CNTNAP2: variants seen among roughly 807,000 people sequenced by gnomAD.
CNTNAP2 encodes the protein contactin-associated protein-like 2.
In CNTNAP2, 98 loss-of-function variants were observed where a neutral mutation model predicts 155.2. The observed-to-expected ratio is 0.63, with a 90% CI of 0.54 to 0.75. The LOEUF (loss-of-function observed/expected upper bound fraction) is 0.75. Ranked by LOEUF, CNTNAP2 falls within the 30% of genes least tolerant of loss-of-function variation. The pLI, the probability that CNTNAP2 is intolerant of heterozygous loss-of-function variation, is 0.00. For synonymous variants in CNTNAP2, 651 were observed against 631.2 expected (o/e 1.03, Z -0.47); for missense variants, 1,727 against 1,688.1 (o/e 1.02, Z -0.40).
chr7:146,171,434 A>T (rs1475918065), intron 1 of CNTNAP2, among the ~76,000 whole-genome samples: 2 of 152,030 alleles, frequency 1.3e-5, no homozygotes, highest in African/African-American at 2.4e-5. Context: ...AAGCAGGTTT[A>T]AAAAAAACCA....
chr7:146,701,977 G>A lies in CNTNAP2; in HGVS notation c.98-72294G>A, dbSNP rs189297364. Among the ~76,000 whole-genome samples the A allele has an allele frequency of 2.6e-3, 394 of 152,256 alleles. 2 individuals are homozygous for A. Among genetic ancestry groups the A allele is most frequent in the Non-Finnish European group, 3.9e-3 (268 of 68,004 alleles). On this transcript the variant is annotated intron_variant, in intron 1 of 23. Coordinates refer to ENST00000361727, the MANE Select transcript of CNTNAP2 (RefSeq NM_014141.6). ...AAGTTACAACAATGAGGAAGGAGAG[G>A]GGTGTGCTTCGCTGGAGAGTGAAAT...
intron 13 of CNTNAP2, among the ~76,000 whole-genome samples, chr7:147,695,113 G>T (rs1279134878): frequency 6.6e-6 from 1 of 152,028 alleles, no homozygotes; most frequent in East Asian, 1.9e-4. Flanking sequence ...ATCTTCTTTA[G>T]AAGTGTGTTA....
At chr7:146,877,835 C>A (rs1388061381) in intron 3 of CNTNAP2, among the ~76,000 whole-genome samples, 1 of 151,936 alleles carries the variant, frequency 6.6e-6, no homozygotes, top group East Asian at 1.9e-4. Flanking sequence ...CAGTTCATTA[C>A]CCGACCATGA....
At chr7:147,447,875 T>C (rs1797767363) in intron 10 of CNTNAP2, among the ~76,000 whole-genome samples, 1 of 152,050 alleles carries the variant, frequency 6.6e-6, no homozygotes, top group South Asian at 2.1e-4. Flanking sequence ...ATGGCTAGTA[T>C]CAAGAAAGTC....
intron 14 of CNTNAP2, among the ~76,000 whole-genome samples, chr7:147,964,183 G>C (rs964807882): frequency 3.3e-5 from 5 of 152,068 alleles, no homozygotes; most frequent in Non-Finnish European, 7.4e-5. Flanking sequence ...ACGGTGGGAA[G>C]GTGGCCCTCC....
At chr7:146,926,282 T>C (rs7455612) in intron 3 of CNTNAP2, among the ~76,000 whole-genome samples, 3,005 of 152,156 alleles carry the variant, frequency 0.02, 101 homozygotes, top group African/African-American at 0.068. Context: ...TCATTGACAA[T>C]ATAACAAAAA....
intron 11 of CNTNAP2, among the ~76,000 whole-genome samples, chr7:147,554,507 C>G (rs1306148931): frequency 6.6e-6 from 1 of 151,890 alleles, no homozygotes; most frequent in Non-Finnish European, 1.5e-5. Flanking sequence ...TAGATATACT[C>G]TGGCTTTCAG....
chr7:147,906,330 C>G lies in CNTNAP2; in HGVS notation c.2255+2609C>G, dbSNP rs190154129. Among the ~76,000 whole-genome samples, 20 of 152,054 alleles carry G rather than the reference C, an allele frequency of 1.3e-4. No homozygotes were observed. In the East Asian group the frequency reaches 3.9e-3, roughly 29 times the overall value. Reference sequence around the variant, plus strand: ...CCTCTGCTGGCACCTGCCACCATGCCCAGCTAATTTTTGTATTTTTAGTAC... The same window carrying G: ...CCTCTGCTGGCACCTGCCACCATGCGCAGCTAATTTTTGTATTTTTAGTAC... On this transcript the variant is annotated intron_variant, in intron 14 of 23. Coordinates refer to ENST00000361727, the MANE Select transcript of CNTNAP2 (RefSeq NM_014141.6).
chr7:147,193,529 A>G (rs1802722569), intron 8 of CNTNAP2, among the ~76,000 whole-genome samples: 1 of 152,160 alleles, frequency 6.6e-6, no homozygotes. Flanking sequence ...TAACTAAACT[A>G]TTTAAGTAGA....
chr7:146,998,108 G>A (rs1295502651), intron 3 of CNTNAP2, among the ~76,000 whole-genome samples: 1 of 150,958 alleles, frequency 6.6e-6, no homozygotes, highest in Non-Finnish European at 1.5e-5. Flanking sequence ...TTCTTTAGTA[G>A]TTCTTTGAGA....
intron 21 of CNTNAP2, among the ~76,000 whole-genome samples, chr7:148,295,820 G>A (rs181447851): frequency 4.0e-5 from 6 of 150,112 alleles, no homozygotes; most frequent in Admixed American, 6.6e-5. Context: ...TCCCAAAAGA[G>A]GATAAAAGAG....
chr7:147,883,680 T>C (rs1051866725), intron 13 of CNTNAP2, among the ~76,000 whole-genome samples: 2 of 152,146 alleles, frequency 1.3e-5, no homozygotes, highest in Non-Finnish European at 2.9e-5. Context: ...GACTGAGGCA[T>C]AAAGAAAGGA....
At chr7:147,484,553 G>T (rs890313099) in intron 10 of CNTNAP2, among the ~76,000 whole-genome samples, 2 of 152,124 alleles carry the variant, frequency 1.3e-5, no homozygotes, top group Non-Finnish European at 2.9e-5. Flanking sequence ...TCTATTTTCC[G>T]TAGTGCTGTG....
intron 12 of CNTNAP2, among the ~76,000 whole-genome samples, chr7:147,566,160 G>A: frequency 6.6e-6 from 1 of 150,592 alleles, no homozygotes. Context: ...GCTGGGCATG[G>A]TGGTGCAAAC....
rs963534205 is a variant in CNTNAP2 at position 146,883,204 on chromosome 7, T to G, written c.402+43300T>G. On this transcript the variant is annotated intron_variant, in intron 3 of 23. Transcript: ENST00000361727. ...CATTTGTACATTGTATTTTTCAAAA[T>G]TTTTATTTATTTCAAAACTGAAATA... Among the ~76,000 whole-genome samples, 42 of 152,168 alleles carry G rather than the reference T, an allele frequency of 2.8e-4. 1 individual carries two copies. Among genetic ancestry groups the G allele is most frequent in the African/African-American group, 8.0e-4 (33 of 41,450 alleles).
intron 5 of CNTNAP2, among the ~76,000 whole-genome samples, chr7:147,115,759 C>T (rs1249181504): frequency 1.3e-5 from 2 of 152,112 alleles, no homozygotes; most frequent in Non-Finnish European, 2.9e-5. Flanking sequence ...ACAACATGCT[C>T]CTTTACTTCA....
At chr7:146,721,593 T>C (rs1391251739) in intron 1 of CNTNAP2, among the ~76,000 whole-genome samples, 6 of 122,962 alleles carry the variant, frequency 4.9e-5, no homozygotes, top group African/African-American at 2.1e-4. Flanking sequence ...TCTATATATA[T>C]ATTCTATATA....
At chr7:146,873,557 C>T (rs1795358855) in intron 3 of CNTNAP2, among the ~76,000 whole-genome samples, 1 of 152,060 alleles carries the variant, frequency 6.6e-6, no homozygotes, top group South Asian at 2.1e-4. Context: ...TGCACAGTGA[C>T]CCTCTGTGGG....
chr7:147,469,380 C>T (rs1400091950), intron 10 of CNTNAP2, among the ~76,000 whole-genome samples: 1 of 151,548 alleles, frequency 6.6e-6, no homozygotes, highest in Non-Finnish European at 1.5e-5. Context: ...GAAATTCATT[C>T]AAAAAATATC....
Sources: allele counts gnomAD v4.1 joint callset (sites outside exome capture counted in the v4.1 genomes callset), GRCh38; gene constraint gnomAD v4.1.1; transcripts MANE v1.5; gene names NCBI Gene and HGNC (gene_info 2026-07-23, HGNC 2026-07-21).